The following DSCC1 variants were observed in gnomAD, a reference collection of about 807,000 sequenced individuals.
DSCC1 encodes the protein sister chromatid cohesion protein DCC1.
Under a neutral mutation model 48.2 loss-of-function variants are expected in DSCC1, and 32 were observed. That is an observed-to-expected ratio of 0.66 (90% confidence interval 0.50 to 0.89). The LOEUF is 0.89. Ranked by LOEUF, DSCC1 falls within the 40% of genes least tolerant of loss-of-function variation. The pLI is 0.00. For missense variants in DSCC1, 421 were observed against 471.7 expected, an observed-to-expected ratio of 0.89 and a Z score of 1.00; for synonymous variants, 150 against 171.5, an observed-to-expected ratio of 0.87 and a Z score of 0.98.
At chr8:119,842,096 C>CA in intron 6 of DSCC1, 148 bp from the exon 7 acceptor site, 2 of 854,070 alleles carry the variant, frequency 2.3e-6, no homozygotes, top group Non-Finnish European at 3.5e-6. Flanking sequence ...TTTTTTGAGA[C>CA]AGAGTCTCGC....
rs1400663919 is a variant in DSCC1, at chr8:119,834,158, T to C, written c.*735A>G. 6.6e-6 allele frequency: 1 copy of C among 152,216 alleles called. No individual in the cohort carries two copies. Among genetic ancestry groups the C allele is most frequent in the Non-Finnish European group, 1.5e-5 (1 of 68,042 alleles). The allele number at this position is 152,216 out of a possible 1,614,324, so 9.4% of individuals were successfully genotyped here. On this transcript the variant is annotated 3_prime_UTR_variant, in exon 9 of 9. Coordinates refer to ENST00000313655, the MANE Select transcript of DSCC1 (RefSeq NM_024094.3). ...CTACCCCCTCCAACTGTCCTGGTGA[T>C]GAGTTCATTAGCTAAGTTAAAATTA...
chr8:119,849,502 ATAT>A (rs1477465139), intron 3 of DSCC1, among the ~76,000 whole-genome samples: 1 of 152,230 alleles, frequency 6.6e-6, no homozygotes, highest in Non-Finnish European at 1.5e-5. Flanking sequence ...AAAAGGCCAC[ATAT>A]TATATGATTC....
At chr8:119,849,215 T>C (rs1826909663) in intron 3 of DSCC1, among the ~76,000 whole-genome samples, 3 of 130,962 alleles carry the variant, frequency 2.3e-5, no homozygotes, top group Non-Finnish European at 4.8e-5. Flanking sequence ...AAGACTAGCC[T>C]GGCCAACATG....
chr8:119,848,376 A>G (rs370507065), intron 3 of DSCC1, among the ~76,000 whole-genome samples: 1 of 152,372 alleles, frequency 6.6e-6, no homozygotes, highest in Non-Finnish European at 1.5e-5. Flanking sequence ...ATATCTGATA[A>G]AGGACTTGTA....
intron 4 of DSCC1, among the ~76,000 whole-genome samples, chr8:119,844,366 G>A (rs917279881): frequency 1.3e-4 from 20 of 150,640 alleles, no homozygotes; most frequent in Non-Finnish European, 2.5e-4. Flanking sequence ...TTGAACCTGG[G>A]AGGCCGAGGT....
chr8:119,843,714 A>C lies in DSCC1; in HGVS notation c.611T>G (p.Met204Arg). The C allele has an allele frequency of 6.2e-7, 1 of 1,611,778 alleles. No homozygotes were observed. Among genetic ancestry groups the C allele is most frequent in the Non-Finnish European group, 8.5e-7 (1 of 1,179,516 alleles). The change falls in exon 5 of 9, where the codon ATG (methionine) becomes AGG (arginine). Residue 204 changes from methionine to arginine, a missense_variant. Physicochemically the swap from Met to Arg is moderately conservative, Grantham distance 91. Around this residue, in one of 3 missense-constraint regions of DSCC1, gnomAD observed 238 missense variants for 259.0 expected, o/e 0.92. Coordinates refer to ENST00000313655, the MANE Select transcript of DSCC1 (RefSeq NM_024094.3). Reference sequence around the variant, plus strand: ...CTGAGTTACATGATTCAGAAGTTTCATCTCATAATCAAATTCAAGAATCCT... The same window carrying C: ...CTGAGTTACATGATTCAGAAGTTTCCTCTCATAATCAAATTCAAGAATCCT... Reference protein sequence around the residue: ...YWRILEFDYEMKLLNHVTQLV... With the variant: ...YWRILEFDYERKLLNHVTQLV...
rs1219176511 is a variant in DSCC1, at chr8:119,840,732, C to T, written c.924+1062G>A. 7.9e-5 allele frequency among the ~76,000 whole-genome samples: 12 copies of T among 151,766 alleles called. No individual in the cohort carries two copies. In the East Asian group the frequency reaches 9.9e-4, roughly 13 times the overall value. On this transcript the variant is annotated intron_variant, in intron 7 of 8. Coordinates refer to ENST00000313655, the MANE Select transcript of DSCC1 (RefSeq NM_024094.3). ...TTCGAGACCAGCCTGGCCAACATGG[C>T]GAAACCCCGTCTCTACTAAGCATAC...
At position 119,834,953 on chromosome 8, in the gene DSCC1, A is replaced by C. The variant is rs1339931915; in HGVS notation, c.1122T>G (p.Tyr374Ter). 3 of 1,610,806 alleles carry C rather than the reference A, an allele frequency of 1.9e-6. No homozygotes were observed. The highest frequency in any genetic ancestry group is 1.3e-5 in the African/African-American group (1 of 74,942). Residue 374 changes from tyrosine (Y) to a stop codon, truncating the protein, a stop_gained, in exon 9 of 9, where the codon TAT (tyrosine) becomes TAG (stop). Coordinates refer to ENST00000313655, the MANE Select transcript of DSCC1 (RefSeq NM_024094.3). LOFTEE classifies it high-confidence loss of function. ...CACCATTTTGCATCGAAGAATGAGA[A>C]TATTTAGTGAGTAATGCACCTATGG... is the stretch of plus-strand genomic sequence containing the variant. ...KQTIGALLTKYSHSSMQNGVK... is the reference protein window; with the variant it reads ...KQTIGALLTK
rs1298400394 is a variant in DSCC1, at chr8:119,834,968, T to C, written c.1107A>G (p.Ala369=). The change falls in exon 9 of 9, where the codon GCA becomes GCG. Residue 369 remains alanine (A), a synonymous_variant. Coordinates refer to ENST00000313655, the MANE Select transcript of DSCC1 (RefSeq NM_024094.3). ...AAGAATGAGAATATTTAGTGAGTAA[T>C]GCACCTATGGTTTGCTTCTCTCCAC... is the stretch of plus-strand genomic sequence containing the variant. ...DLCGEKQTIG[A]LLTKYSHSSM... The C allele has an allele frequency of 1.9e-6, 3 of 1,609,692 alleles. No homozygotes were observed. The highest frequency in any genetic ancestry group is 2.2e-5 in the South Asian group (2 of 89,972).
In DSCC1 at chr8:119,841,954, G is replaced by A; in HGVS notation, c.770-6C>T. On this transcript the variant is annotated splice_polypyrimidine_tract_variant and splice_region_variant and intron_variant, in intron 6 of 8. Coordinates refer to ENST00000313655, the MANE Select transcript of DSCC1 (RefSeq NM_024094.3). The stretch of plus-strand genomic sequence containing the variant: ...CAACTCAAAATAAACTTCGCCTAAG[G>A]AAAAGTTATCAGATATTTTCATATT... 1 of 1,612,244 alleles carries A rather than the reference G, an allele frequency of 6.2e-7. No individual in the cohort carries two copies. Among genetic ancestry groups the A allele is most frequent in the Non-Finnish European group, 8.5e-7 (1 of 1,178,814 alleles).
chr8:119,843,662 A>C lies in DSCC1; in HGVS notation c.663T>G (p.Phe221Leu), dbSNP rs1826808190. The C allele has an allele frequency of 6.2e-7, 1 of 1,614,030 alleles. No individual in the cohort carries two copies. Among genetic ancestry groups the C allele is most frequent in the Non-Finnish European group, 8.5e-7 (1 of 1,180,034 alleles). The change falls in exon 5 of 9, where the codon TTT becomes TTG. Residue 221 changes from phenylalanine (F) to leucine (L), a missense_variant. Phe to Leu is a conservative substitution (Grantham distance 22, BLOSUM62 0). This residue lies in a region of DSCC1 where 238 missense variants were observed against 259.0 expected (regional missense o/e 0.92). Coordinates refer to ENST00000313655, the MANE Select transcript of DSCC1 (RefSeq NM_024094.3). ...TQLVDSESWSFGKVPLNTCLQ... is the reference protein window; with the variant it reads ...TQLVDSESWSLGKVPLNTCLQ... ...GGCATGTGTTCAAAGGAACTTTACCAAAAGACCATGATTCAGAATCCACAA... is the reference window on the plus strand; with the variant it reads ...GGCATGTGTTCAAAGGAACTTTACCCAAAGACCATGATTCAGAATCCACAA...
At chr8:119,854,417 T>A (rs1221437761) in intron 1 of DSCC1, among the ~76,000 whole-genome samples, 3 of 152,226 alleles carry the variant, frequency 2.0e-5, no homozygotes, top group South Asian at 4.1e-4. Flanking sequence ...ATAAGAAACC[T>A]GAAATAGCAG....
chr8:119,843,136 G>C, intron 5 of DSCC1, among the ~76,000 whole-genome samples: 1 of 108,244 alleles, frequency 9.2e-6, no homozygotes, highest in South Asian at 2.6e-4. Flanking sequence ...TTTTTTTTTT[G>C]AGAGTGCAGT....
intron 5 of DSCC1, among the ~76,000 whole-genome samples, chr8:119,843,119 ATTT>A (rs11341051): frequency 7.2e-6 from 1 of 139,614 alleles, no homozygotes; most frequent in Admixed American, 7.2e-5. Context: ...GTTTTATTTT[ATTT>A]TTTTTTTTTT....
At chr8:119,844,710 C>A (rs1826829877) in intron 4 of DSCC1, among the ~76,000 whole-genome samples, 1 of 151,976 alleles carries the variant, frequency 6.6e-6, no homozygotes, top group South Asian at 2.1e-4. Flanking sequence ...ACCATGGCAC[C>A]CCCTCTCTCC....
At chr8:119,840,668 T>C (rs1034137260) in intron 7 of DSCC1, among the ~76,000 whole-genome samples, 4 of 152,170 alleles carry the variant, frequency 2.6e-5, no homozygotes, top group African/African-American at 9.6e-5. Flanking sequence ...TCTCAGCACT[T>C]TGGGAGGCCA....
chr8:119,842,686 A>G, intron 6 of DSCC1, 90 bp downstream of exon 6: 1 of 1,219,420 alleles, frequency 8.2e-7, no homozygotes, highest in Non-Finnish European at 1.2e-6. Context: ...GCACCCAGCC[A>G]GAGTTCTTAT....
chr8:119,849,048 G>A (rs886787650), intron 3 of DSCC1, among the ~76,000 whole-genome samples: 5 of 152,100 alleles, frequency 3.3e-5, no homozygotes, highest in South Asian at 2.1e-4. Context: ...AGCTGGGCGC[G>A]GTGGCGGGCG....
At chr8:119,836,528 G>A (rs551292967) in intron 8 of DSCC1, among the ~76,000 whole-genome samples, 9 of 152,222 alleles carry the variant, frequency 5.9e-5, no homozygotes, top group South Asian at 2.1e-4. Context: ...GGGAAAGAAA[G>A]GACAGGGATG....
Sources: gnomAD v4.1 joint callset for allele counts (sites outside exome capture counted in the v4.1 genomes callset) on GRCh38, gnomAD v4.1.1 for gene constraint, gnomAD v4.1.1 regional missense constraint, MANE v1.5 for transcripts, NCBI Gene and HGNC (gene_info 2026-07-23, HGNC 2026-07-21) for gene names.